Variants in ANKRD31 observed in about 807,000 individuals in gnomAD.
ANKRD31 encodes ankyrin repeat domain 31, also known as ankyrin repeat domain-containing protein 31.
ANKRD31 carries 147 observed loss-of-function variants against 186.0 expected under a neutral mutation model. That is an observed-to-expected ratio of 0.79 (90% CI 0.69 to 0.91). ANKRD31 has a LOEUF of 0.91. ANKRD31 is among the 40% of genes least tolerant of loss of function. ANKRD31 has a pLI of 0.00. For missense variants in ANKRD31, 1,986 were observed against 2,148.8 expected, an observed-to-expected ratio of 0.92 and a Z score of 1.50; for synonymous variants, 673 against 736.4, an observed-to-expected ratio of 0.91 and a Z score of 1.39.
At chr5:75,140,947 C>T (rs1267872350) in intron 15 of ANKRD31, among the ~76,000 whole-genome samples, 5 of 152,170 alleles carry the variant, frequency 3.3e-5, no homozygotes, top group African/African-American at 1.2e-4. Flanking sequence ...CTAAGCCATG[C>T]CTGATTCCTG....
chr5:75,226,961 C>G (rs1358888902), intron 2 of ANKRD31, among the ~76,000 whole-genome samples: 1 of 152,006 alleles, frequency 6.6e-6, no homozygotes, highest in East Asian at 1.9e-4. Context: ...ATTGGTATAT[C>G]AAAGAGATAT....
intron 18 of ANKRD31, among the ~76,000 whole-genome samples, chr5:75,117,345 C>G (rs982278858): frequency 9.9e-5 from 15 of 152,176 alleles, no homozygotes; most frequent in African/African-American, 3.1e-4. Context: ...TAAGAAAGAC[C>G]CTGACCCTAT....
At chr5:75,098,149 T>C (rs1482865248) in intron 22 of ANKRD31, among the ~76,000 whole-genome samples, 1 of 151,928 alleles carries the variant, frequency 6.6e-6, no homozygotes, top group Non-Finnish European at 1.5e-5. Flanking sequence ...CCCACCACCA[T>C]GCCCGGCTAA....
At chr5:75,215,193 CG>C (rs1438853618) in intron 3 of ANKRD31, among the ~76,000 whole-genome samples, 1 of 152,082 alleles carries the variant, frequency 6.6e-6, no homozygotes, top group Non-Finnish European at 1.5e-5. Context: ...TTCTCTCTTG[CG>C]GGGAGAGGCA....
intron 17 of ANKRD31, among the ~76,000 whole-genome samples, chr5:75,121,252 G>T (rs1748762416): frequency 1.3e-5 from 2 of 150,596 alleles, no homozygotes; most frequent in African/African-American, 4.9e-5. Context: ...TTCAACAAAA[G>T]GTTATAATAA....
Position 75,104,401 on chromosome 5 carries a change from G to A in ANKRD31, c.5158C>T (p.Pro1720Ser), listed in dbSNP as rs1335870554. The A allele has an allele frequency of 6.5e-6, 10 of 1,537,124 alleles. No homozygotes were observed. Among genetic ancestry groups the A allele is most frequent in the Non-Finnish European group, 8.7e-6 (10 of 1,146,892 alleles). ...PYLKKSVSVV[P>S]CADDSQISSS... ...GAGATCTGACTGTCATCTGCACATG[G>A]AACAACAGAAACTGATTTTTTAAGA... Residue 1720 changes from proline to serine, a missense_variant, in exon 22 of 26, where the codon CCA (proline) becomes TCA (serine). Pro to Ser is a moderately conservative substitution (Grantham distance 74). Coordinates refer to ENST00000506364, the MANE Select transcript of ANKRD31 (RefSeq NM_001372053.1).
intron 17 of ANKRD31, among the ~76,000 whole-genome samples, chr5:75,127,178 C>G (rs1749323099): frequency 7.7e-6 from 1 of 130,230 alleles, no homozygotes; most frequent in Non-Finnish European, 1.6e-5. Context: ...AAGTGAGACT[C>G]CATCTCAAAA....
chr5:75,082,619 TTACTC>T (rs1341900401), intron 24 of ANKRD31, among the ~76,000 whole-genome samples: 4 of 152,172 alleles, frequency 2.6e-5, no homozygotes, highest in Non-Finnish European at 5.9e-5. Context: ...GGGTATTAGT[TTACTC>T]TAATAAGCAA....
intron 23 of ANKRD31, among the ~76,000 whole-genome samples, chr5:75,086,761 T>C (rs1378789741): frequency 6.6e-6 from 1 of 152,234 alleles, no homozygotes; most frequent in Non-Finnish European, 1.5e-5. Flanking sequence ...AGGCCACTGA[T>C]GCTTTCCCTG....
chr5:75,112,391 C>T lies in ANKRD31; in HGVS notation c.4243+122G>A. 5 of 581,338 alleles carry T rather than the reference C, an allele frequency of 8.6e-6. No homozygotes were observed. In the South Asian group the frequency reaches 1.3e-4, roughly 15 times the overall value. The allele number at this position is 581,338 out of a possible 1,614,324, so 36.0% of individuals were successfully genotyped here. On this transcript the variant is annotated intron_variant, in intron 20 of 25. Coordinates refer to ENST00000506364, the MANE Select transcript of ANKRD31 (RefSeq NM_001372053.1). ...TTAATAATTCCTAGCACTTTAAATA[C>T]TCTCACATAAAAATAGAACACCACT...
intron 2 of ANKRD31, chr5:75,225,402 T>A (rs1757570617): frequency 6.3e-6 from 1 of 158,994 alleles, no homozygotes; most frequent in Non-Finnish European, 1.4e-5. Context: ...GTCAACAAAA[T>A]CCCCAAGGAC....
intron 6 of ANKRD31, among the ~76,000 whole-genome samples, chr5:75,197,414 A>C (rs1755540501): frequency 6.6e-6 from 1 of 152,144 alleles, no homozygotes; most frequent in Non-Finnish European, 1.5e-5. Flanking sequence ...CTTTGACAGG[A>C]TGTGCTGTAA....
At chr5:75,202,686 A>G (rs1169955626) in intron 5 of ANKRD31, among the ~76,000 whole-genome samples, 5 of 152,242 alleles carry the variant, frequency 3.3e-5, no homozygotes, top group African/African-American at 7.2e-5. Context: ...GAATTGGGAC[A>G]GAGGTCTGTA....
intron 6 of ANKRD31, 101 bp from the exon 7 acceptor site, chr5:75,196,301 C>A: frequency 3.1e-6 from 3 of 960,548 alleles, no homozygotes; most frequent in Non-Finnish European, 4.2e-6. Flanking sequence ...TGTAAGCTAC[C>A]CTCAAAATTT....
intron 9 of ANKRD31, among the ~76,000 whole-genome samples, chr5:75,190,199 T>C (rs1755010565): frequency 6.6e-6 from 1 of 152,058 alleles, no homozygotes; most frequent in South Asian, 2.1e-4. Context: ...TTTTGCATTT[T>C]TCATAGAGAC....
intron 19 of ANKRD31, among the ~76,000 whole-genome samples, chr5:75,115,827 C>T (rs1748193080): frequency 1.3e-5 from 2 of 151,860 alleles, no homozygotes; most frequent in South Asian, 2.1e-4. Flanking sequence ...TAAACTAGTT[C>T]AACCATTGTG....
At chr5:75,172,800 A>C (rs908522602) in intron 10 of ANKRD31, among the ~76,000 whole-genome samples, 3 of 152,120 alleles carry the variant, frequency 2.0e-5, no homozygotes, top group Admixed American at 6.6e-5. Context: ...CCGAATTCTA[A>C]CAGAGGTACA....
chr5:75,181,611 A>T (rs577438291), intron 10 of ANKRD31, among the ~76,000 whole-genome samples: 1 of 151,998 alleles, frequency 6.6e-6, no homozygotes, highest in East Asian at 1.9e-4. Flanking sequence ...GGAAACCATC[A>T]TTCTCAGCAA....
intron 10 of ANKRD31, 119 bp downstream of exon 10, chr5:75,188,374 T>A: frequency 1.0e-6 from 1 of 961,136 alleles, no homozygotes; most frequent in Non-Finnish European, 1.5e-6. Flanking sequence ...AGGAAAATGA[T>A]CTGAAAGCCT....
Sources: gnomAD v4.1 joint callset for allele counts (sites outside exome capture counted in the v4.1 genomes callset) on GRCh38, gnomAD v4.1.1 for gene constraint, MANE v1.5 for transcripts, NCBI Gene and HGNC (gene_info 2026-07-23, HGNC 2026-07-21) for gene names.